NRG1: variants seen among roughly 807,000 people sequenced by gnomAD.
NRG1 encodes the protein pro-neuregulin-1, membrane-bound isoform.
A neutral mutation model predicts 63.8 loss-of-function variants in NRG1; 18 were observed. The ratio of observed to expected loss-of-function variants is 0.28; its 90% CI spans 0.19 to 0.42. The LOEUF (loss-of-function observed/expected upper bound fraction) is 0.42. Among genes scored for constraint, NRG1 ranks in the 10% least tolerant of loss-of-function variants. The probability of loss-of-function intolerance (pLI) is 1.00; values close to 1 mark genes in which losing one functional copy is unlikely to be tolerated. For synonymous variants in NRG1, 302 were observed against 301.3 expected, an observed-to-expected ratio of 1.00 and a Z score of -0.02; for missense variants, 762 against 814.7, an observed-to-expected ratio of 0.94 and a Z score of 0.79.
intron 5 of NRG1, among the ~76,000 whole-genome samples, chr8:32,632,370 A>G (rs1850486974): frequency 6.6e-6 from 1 of 151,920 alleles, no homozygotes; most frequent in Admixed American, 6.6e-5. Flanking sequence ...CTCAACATGG[A>G]GAAACCCCGT....
At chr8:32,472,946 T>C (rs1249798512) in intron 1 of NRG1, among the ~76,000 whole-genome samples, 1 of 152,222 alleles carries the variant, frequency 6.6e-6, no homozygotes, top group African/African-American at 2.4e-5. Context: ...TAATAGTATT[T>C]TCGCTATGTG....
intron 1 of NRG1, among the ~76,000 whole-genome samples, chr8:32,224,793 A>C (rs1846160819): frequency 6.6e-6 from 1 of 152,202 alleles, no homozygotes; most frequent in Non-Finnish European, 1.5e-5. Context: ...TCTGACATGG[A>C]CATTTGCTAT....
chr8:32,574,294 C>T (rs536548768), intron 1 of NRG1, among the ~76,000 whole-genome samples: 1 of 152,262 alleles, frequency 6.6e-6, no homozygotes, highest in African/African-American at 2.4e-5. Context: ...ATTTTACATT[C>T]TCCAGGCCTC....
intron 1 of NRG1, among the ~76,000 whole-genome samples, chr8:31,998,294 A>C (rs1812351499): frequency 6.6e-6 from 1 of 152,012 alleles, no homozygotes; most frequent in Admixed American, 6.6e-5. Flanking sequence ...TCAACTATAC[A>C]TATATTACTG....
chr8:32,481,454 A>G (rs557099090), intron 1 of NRG1, among the ~76,000 whole-genome samples: 77 of 152,378 alleles, frequency 5.1e-4, no homozygotes, highest in African/African-American at 1.6e-3. Flanking sequence ...TGTGCCAACG[A>G]GTGACAAAGG....
chr8:31,642,999 T>TGA (rs796160947), intron 1 of NRG1, among the ~76,000 whole-genome samples: 2,510 of 144,718 alleles, frequency 0.017, 72 homozygotes, highest in African/African-American at 0.061. Flanking sequence ...TGTGTGTGTG[T>TGA]GAGAGAGAGA....
At chr8:32,477,878 G>T (rs1480574089) in intron 1 of NRG1, among the ~76,000 whole-genome samples, 6 of 152,150 alleles carry the variant, frequency 3.9e-5, no homozygotes, top group African/African-American at 1.4e-4. Context: ...TTATAGGTTT[G>T]CATCTTGGAA....
intron 1 of NRG1, among the ~76,000 whole-genome samples, chr8:32,581,549 C>T (rs1244934361): frequency 6.6e-6 from 1 of 152,068 alleles, no homozygotes; most frequent in Non-Finnish European, 1.5e-5. Flanking sequence ...AGAATAAAGC[C>T]CCTAACTTCC....
At chr8:32,220,372 G>A (rs1229203648) in intron 1 of NRG1, among the ~76,000 whole-genome samples, 1 of 152,128 alleles carries the variant, frequency 6.6e-6, no homozygotes, top group Admixed American at 6.5e-5. Context: ...AGCAACATTT[G>A]CCCTTGTATT....
chr8:32,649,743 T>C (rs1017596429), intron 5 of NRG1, among the ~76,000 whole-genome samples: 3 of 152,284 alleles, frequency 2.0e-5, no homozygotes, highest in Admixed American at 6.5e-5. Flanking sequence ...CTAGGTGCAA[T>C]TAGGGAAAAC....
intron 1 of NRG1, among the ~76,000 whole-genome samples, chr8:32,038,788 T>C (rs1235200186): frequency 1.3e-5 from 2 of 152,012 alleles, no homozygotes; most frequent in African/African-American, 4.8e-5. Context: ...CAGAGAGAAT[T>C]TGTGTCCTGC....
chr8:32,025,142 G>A (rs1817045358), intron 1 of NRG1, among the ~76,000 whole-genome samples: 2 of 152,036 alleles, frequency 1.3e-5, no homozygotes, highest in South Asian at 2.1e-4. Flanking sequence ...AAATATGTAG[G>A]TTAAAATGTA....
intron 1 of NRG1, among the ~76,000 whole-genome samples, chr8:32,073,959 G>T (rs753651180): frequency 6.6e-6 from 1 of 152,012 alleles, no homozygotes; most frequent in Non-Finnish European, 1.5e-5. Flanking sequence ...CTGGATATCA[G>T]ATATTATTAT....
chr8:32,239,302 C>A (rs1227354785), intron 1 of NRG1, among the ~76,000 whole-genome samples: 5 of 146,452 alleles, frequency 3.4e-5, no homozygotes, highest in Non-Finnish European at 1.5e-5. Flanking sequence ...GATACTGGAG[C>A]AATTGGATAT....
chr8:31,912,255 T>C (rs1404636086), intron 1 of NRG1, among the ~76,000 whole-genome samples: 1 of 152,194 alleles, frequency 6.6e-6, no homozygotes, highest in Non-Finnish European at 1.5e-5. Context: ...CTGTTTTTTG[T>C]CAGCTTTTTA....
intron 1 of NRG1, among the ~76,000 whole-genome samples, chr8:31,965,391 T>C (rs935738715): frequency 2.6e-5 from 4 of 152,048 alleles, no homozygotes. Flanking sequence ...CCCAGGTAAT[T>C]TTTGTATTTT....
chr8:31,869,833 T>G (rs766096516), intron 1 of NRG1, among the ~76,000 whole-genome samples: 5 of 152,184 alleles, frequency 3.3e-5, no homozygotes, highest in African/African-American at 4.8e-5. Flanking sequence ...CAGTATGCAT[T>G]GAACATGCGC....
chr8:31,854,412 G>C (rs1180498158), intron 1 of NRG1, among the ~76,000 whole-genome samples: 1 of 152,150 alleles, frequency 6.6e-6, no homozygotes, highest in Non-Finnish European at 1.5e-5. Context: ...GGTGTTTGTA[G>C]TATTCTCTGA....
At chr8:32,208,952 A>T (rs933459662) in intron 1 of NRG1, among the ~76,000 whole-genome samples, 2 of 152,200 alleles carry the variant, frequency 1.3e-5, no homozygotes, top group African/African-American at 4.8e-5. Flanking sequence ...AAGCATGCAT[A>T]GCCTAATATA....
Sources: allele counts gnomAD v4.1 joint callset (sites outside exome capture counted in the v4.1 genomes callset), GRCh38; gene constraint gnomAD v4.1.1; transcripts MANE v1.5; gene names NCBI Gene and HGNC (gene_info 2026-07-23, HGNC 2026-07-21).